Variants in RBFOX1 observed in about 807,000 individuals in gnomAD.
The protein encoded by RBFOX1 is RNA binding fox-1 homolog 1.
A neutral mutation model predicts 57.7 loss-of-function variants in RBFOX1; 8 were observed. The ratio of observed to expected loss-of-function variants is 0.14; its 90% CI spans 0.08 to 0.25. The LOEUF is 0.25. Ranked by LOEUF, RBFOX1 falls within the 10% of genes least tolerant of loss-of-function variation. The pLI is 1.00. For synonymous variants in RBFOX1, 326 were observed against 222.4 expected (o/e 1.47, Z -4.15); for missense variants, 611 against 548.5 (o/e 1.11, Z -1.14).
intron 3 of RBFOX1, among the ~76,000 whole-genome samples, chr16:6,884,044 C>A (rs923693855): frequency 6.6e-6 from 1 of 152,124 alleles, no homozygotes; most frequent in Non-Finnish European, 1.5e-5. Flanking sequence ...CAAACTGATC[C>A]TGTTAAGCAT....
chr16:5,883,231 T>A (rs1193104216), intron 4 of RBFOX1, among the ~76,000 whole-genome samples: 7 of 152,196 alleles, frequency 4.6e-5, no homozygotes, highest in Non-Finnish European at 7.3e-5. Context: ...AAGCAACACA[T>A]TAAATGTACA....
At chr16:5,861,989 G>C (rs76821061) in intron 3 of RBFOX1, among the ~76,000 whole-genome samples, 8,344 of 152,256 alleles carry the variant, frequency 0.055, 289 homozygotes, top group Admixed American at 0.094. Context: ...TTGGACTTGA[G>C]AGGACAGGAA....
chr16:7,460,652 C>T (rs1023179734), intron 4 of RBFOX1, among the ~76,000 whole-genome samples: 1 of 151,332 alleles, frequency 6.6e-6, no homozygotes, highest in Non-Finnish European at 1.5e-5. Context: ...ATAATCTGCA[C>T]AACAAACCAC....
At chr16:7,280,014 C>A (rs756310924) in intron 4 of RBFOX1, among the ~76,000 whole-genome samples, 1 of 152,222 alleles carries the variant, frequency 6.6e-6, no homozygotes, top group East Asian at 1.9e-4. Context: ...GCCAGCGCCA[C>A]ATCACCTGCT....
intron 3 of RBFOX1, among the ~76,000 whole-genome samples, chr16:6,888,810 C>T (rs1161554616): frequency 6.6e-6 from 1 of 152,158 alleles, no homozygotes; most frequent in East Asian, 1.9e-4. Context: ...TGTTACCAAA[C>T]ATTAGATCTT....
At chr16:6,949,057 G>C (rs775470546) in intron 3 of RBFOX1, among the ~76,000 whole-genome samples, 1 of 152,148 alleles carries the variant, frequency 6.6e-6, no homozygotes, top group Non-Finnish European at 1.5e-5. Context: ...GTAAAAGGGA[G>C]AGTAAGGACA....
At chr16:6,053,258 G>A (rs952928292) in intron 1 of RBFOX1, among the ~76,000 whole-genome samples, 3 of 152,128 alleles carry the variant, frequency 2.0e-5, no homozygotes, top group South Asian at 2.1e-4. Context: ...AATAAATAAC[G>A]GAATAATATT....
chr16:6,575,791 A>G (rs1337051317), intron 2 of RBFOX1, among the ~76,000 whole-genome samples: 1 of 151,628 alleles, frequency 6.6e-6, no homozygotes, highest in Admixed American at 6.6e-5. Flanking sequence ...CAGGAGGTGG[A>G]GGTTGTAGTT....
chr16:5,758,473 C>T (rs536436020), intron 3 of RBFOX1, among the ~76,000 whole-genome samples: 1 of 152,182 alleles, frequency 6.6e-6, no homozygotes, highest in Non-Finnish European at 1.5e-5. Flanking sequence ...AAGCGCAGCA[C>T]AGTGGCCCTG....
intron 1 of RBFOX1, among the ~76,000 whole-genome samples, chr16:5,373,475 C>T (rs2065909212): frequency 6.6e-6 from 1 of 152,092 alleles, no homozygotes; most frequent in African/African-American, 2.4e-5. Context: ...ACTTTCTCTT[C>T]CTCCTCCTCT....
At chr16:7,431,966 T>C (rs1458796978) in intron 4 of RBFOX1, among the ~76,000 whole-genome samples, 2 of 152,216 alleles carry the variant, frequency 1.3e-5, no homozygotes, top group East Asian at 3.9e-4. Flanking sequence ...CATTACGGGA[T>C]GCCAAGCATT....
chr16:5,587,135 A>G lies in RBFOX1; in HGVS notation c.259-11767A>G, dbSNP rs762163890. ...TGACATGACCAAGATGCTTTAGGATAAGACACTGTTCAAAAGTGAGCAACC... is the reference window on the plus strand; with the variant it reads ...TGACATGACCAAGATGCTTTAGGATGAGACACTGTTCAAAAGTGAGCAACC... On this transcript the variant is annotated intron_variant, in intron 2 of 2. Coordinates refer to the RBFOX1 transcript ENST00000585867. Among the ~76,000 whole-genome samples, 282 of 152,292 alleles carry G rather than the reference A, an allele frequency of 1.9e-3. 1 individual carries two copies. The highest frequency in any genetic ancestry group is 0.01 in the Middle Eastern group (3 of 294).
At chr16:7,079,184 A>T (rs115098330) in intron 4 of RBFOX1, among the ~76,000 whole-genome samples, 3 of 152,020 alleles carry the variant, frequency 2.0e-5, no homozygotes, top group African/African-American at 4.8e-5. Flanking sequence ...TTCACTTCCT[A>T]TCTCTGCACC....
At chr16:7,472,243 A>T (rs1355721792) in intron 4 of RBFOX1, among the ~76,000 whole-genome samples, 1 of 151,862 alleles carries the variant, frequency 6.6e-6, no homozygotes, top group Non-Finnish European at 1.5e-5. Flanking sequence ...CTCCTTTAGG[A>T]TAAAAGGTGG....
intron 1 of RBFOX1, among the ~76,000 whole-genome samples, chr16:6,221,443 A>G (rs2097372719): frequency 6.6e-6 from 1 of 152,212 alleles, no homozygotes; most frequent in South Asian, 2.1e-4. Context: ...GAGAGCCATG[A>G]GTAAAAGCAC....
chr16:6,524,102 T>A (rs2096545923), intron 2 of RBFOX1, among the ~76,000 whole-genome samples: 1 of 152,190 alleles, frequency 6.6e-6, no homozygotes, highest in Non-Finnish European at 1.5e-5. Flanking sequence ...TTATTCATTC[T>A]ATTTCATGTA....
chr16:6,779,159 C>G (rs1323818722), intron 3 of RBFOX1, among the ~76,000 whole-genome samples: 2 of 151,982 alleles, frequency 1.3e-5, no homozygotes. Context: ...ACTTCTAACT[C>G]CCCCTTGCTC....
chr16:6,797,685 T>G (rs1258832616), intron 3 of RBFOX1, among the ~76,000 whole-genome samples: 6 of 152,134 alleles, frequency 3.9e-5, no homozygotes, highest in Admixed American at 3.9e-4. Flanking sequence ...TATGAGTAAA[T>G]TGGACCATTC....
intron 4 of RBFOX1, among the ~76,000 whole-genome samples, chr16:7,485,382 C>T (rs2065116269): frequency 6.6e-6 from 1 of 152,204 alleles, no homozygotes; most frequent in African/African-American, 2.4e-5. Flanking sequence ...CTGCAGTTTA[C>T]CTTGTACTTT....
Sources: allele counts gnomAD v4.1 joint callset (sites outside exome capture counted in the v4.1 genomes callset), GRCh38; gene constraint gnomAD v4.1.1; transcripts MANE v1.5; gene names NCBI Gene and HGNC (gene_info 2026-07-23, HGNC 2026-07-21).